The following TUSC3 variants were observed in gnomAD, a reference collection of about 807,000 sequenced individuals.
TUSC3 encodes the protein tumor suppressor candidate 3.
TUSC3 carries 45 observed loss-of-function variants against 44.8 expected under a neutral mutation model. The observed-to-expected ratio is 1.00, with a 90% CI of 0.79 to 1.29. The LOEUF is 1.29. Ranked by LOEUF, TUSC3 falls within the 50% of genes most tolerant of loss-of-function variation. The pLI, the probability that TUSC3 is intolerant of heterozygous loss-of-function variation, is 0.00. For synonymous variants in TUSC3, 212 were observed against 152.9 expected (o/e 1.39, Z -2.85); for missense variants, 519 against 437.9 (o/e 1.19, Z -1.65).
chr8:15,815,086 G>A, the TUSC3 span, among the ~76,000 whole-genome samples: 4 of 152,104 alleles, frequency 2.6e-5, no homozygotes, highest in Non-Finnish European at 5.9e-5. Context: ...TAAGTAATGA[G>A]ATATAAGTAA....
chr8:15,487,451 A>G (rs1227912659), intron 2 of TUSC3, among the ~76,000 whole-genome samples: 1 of 152,202 alleles, frequency 6.6e-6, no homozygotes, highest in East Asian at 1.9e-4. Context: ...ACAGTGGCCA[A>G]AGTCTATCTT....
the TUSC3 span, among the ~76,000 whole-genome samples, chr8:15,794,077 A>G: frequency 3.3e-5 from 5 of 152,186 alleles, no homozygotes; most frequent in Non-Finnish European, 7.3e-5. Flanking sequence ...CCTCTGATGG[A>G]TGAATGAACT....
intron 1 of TUSC3, among the ~76,000 whole-genome samples, chr8:15,553,688 G>C (rs552047689): frequency 6.6e-6 from 1 of 151,778 alleles, no homozygotes; most frequent in South Asian, 2.1e-4. Flanking sequence ...TTAATGAGTG[G>C]GTTGTGAGGA....
At chr8:15,675,867 T>C (rs1027954382) in intron 6 of TUSC3, among the ~76,000 whole-genome samples, 3 of 152,158 alleles carry the variant, frequency 2.0e-5, no homozygotes, top group African/African-American at 7.2e-5. Context: ...TCCATATCTT[T>C]GGTATTGAGA....
chr8:15,782,870 C>T, the TUSC3 span, among the ~76,000 whole-genome samples: 1 of 152,104 alleles, frequency 6.6e-6, no homozygotes, highest in Non-Finnish European at 1.5e-5. Flanking sequence ...CCTGGAAGTT[C>T]TAGCCAGAGT....
chr8:15,765,517 A>C lies in TUSC3; in HGVS notation c.*1361A>C, dbSNP rs986943463. The C allele has an allele frequency of 1.3e-5, 2 of 152,048 alleles. No homozygotes were observed. The highest frequency in any genetic ancestry group is 2.4e-5 in the African/African-American group (1 of 41,428). 9.4% of individuals were successfully genotyped at this position (152,048 alleles called of 1,614,324 possible). On this transcript the variant is annotated 3_prime_UTR_variant, in exon 11 of 11. Transcript: ENST00000503731. ...TACTTAAATCTGTGAATTTCAATGA[A>C]GAATGGGAATATAAAGGCCTACTGG...
rs1418360581 is a variant in TUSC3, at chr8:15,488,681, A to C, written n.189+5198A>C. 3.9e-5 allele frequency among the ~76,000 whole-genome samples: 6 copies of C among 152,298 alleles called. No homozygotes were observed. The East Asian group carries it at 9.7e-4, about 25-fold the overall frequency. ...CTATGATGAGATTAGTGTCTTTATA[A>C]GGAAAGAAAGATGTCATAGCTCATT... On this transcript the variant is annotated intron_variant and non_coding_transcript_variant, in intron 2 of 5. Coordinates refer to the TUSC3 transcript ENST00000503191.
intron 2 of TUSC3, among the ~76,000 whole-genome samples, chr8:15,637,737 C>T (rs1358790239): frequency 1.3e-5 from 2 of 151,942 alleles, no homozygotes; most frequent in African/African-American, 4.8e-5. Context: ...TTTGAGTGGC[C>T]TACTGATTTC....
chr8:15,840,647 G>C, the TUSC3 span, among the ~76,000 whole-genome samples: 1,567 of 152,014 alleles, frequency 0.01, 37 homozygotes, highest in African/African-American at 0.037. Flanking sequence ...TTTATAATCT[G>C]GTATGAAAAA....
rs185573855 is a variant in TUSC3, at chr8:15,604,693, T to A, written c.139-18387T>A. Reference sequence around the variant, plus strand: ...TTGCCTTTTGGTTTTCTATTTAGAATGTCAAAGTAAGCCTTTGAACAGTCA... The same window carrying A: ...TTGCCTTTTGGTTTTCTATTTAGAAAGTCAAAGTAAGCCTTTGAACAGTCA... On this transcript the variant is annotated intron_variant, in intron 1 of 10. Coordinates refer to ENST00000503731, the MANE Select transcript of TUSC3 (RefSeq NM_006765.4). Among the ~76,000 whole-genome samples, 815 of 151,972 alleles carry A rather than the reference T, an allele frequency of 5.4e-3. 8 individuals carry two copies. The highest frequency in any genetic ancestry group is 6.4e-3 in the Non-Finnish European group (434 of 67,846).
At chr8:15,845,583 G>C in the TUSC3 span, among the ~76,000 whole-genome samples, 1 of 152,092 alleles carries the variant, frequency 6.6e-6, no homozygotes, top group Non-Finnish European at 1.5e-5. Flanking sequence ...CATTATCTCA[G>C]GGCACAGAAA....
chr8:15,584,397 T>C (rs939107663), intron 1 of TUSC3, among the ~76,000 whole-genome samples: 1 of 152,222 alleles, frequency 6.6e-6, no homozygotes, highest in Non-Finnish European at 1.5e-5. Flanking sequence ...TTATCTGTTT[T>C]GATTAATTTG....
chr8:15,845,298 T>C, the TUSC3 span, among the ~76,000 whole-genome samples: 2 of 152,040 alleles, frequency 1.3e-5, no homozygotes, highest in Non-Finnish European at 2.9e-5. Flanking sequence ...TTCTGCAAAG[T>C]GAGGAGTTTT....
chr8:15,423,985 T>TTG (rs1799773934), intron 1 of TUSC3, among the ~76,000 whole-genome samples: 2 of 124,104 alleles, frequency 1.6e-5, no homozygotes, highest in African/African-American at 3.0e-5. Context: ...TTTTTTTTTT[T>TTG]TTTTTTTTTT....
At chr8:15,820,054 TTTG>T in the TUSC3 span, among the ~76,000 whole-genome samples, 1 of 152,180 alleles carries the variant, frequency 6.6e-6, no homozygotes, top group African/African-American at 2.4e-5. Context: ...TGCTGAGATT[TTTG>T]TTATGAATTG....
chr8:15,794,841 C>T, the TUSC3 span, among the ~76,000 whole-genome samples: 6 of 152,192 alleles, frequency 3.9e-5, no homozygotes, highest in African/African-American at 1.4e-4. Context: ...TCTAGAGAGA[C>T]GAACTATCTT....
At chr8:15,840,416 A>C in the TUSC3 span, among the ~76,000 whole-genome samples, 466 of 151,934 alleles carry the variant, frequency 3.1e-3, 2 homozygotes, top group East Asian at 0.016. Flanking sequence ...CACACACACA[A>C]AAACTCAGGA....
chr8:15,555,928 A>G (rs926380251), intron 1 of TUSC3, among the ~76,000 whole-genome samples: 1 of 151,604 alleles, frequency 6.6e-6, no homozygotes, highest in Non-Finnish European at 1.5e-5. Context: ...TCAATAATGT[A>G]TGCTTTCTGG....
intron 6 of TUSC3, among the ~76,000 whole-genome samples, chr8:15,722,493 TCA>T (rs772297961): frequency 3.3e-5 from 5 of 152,092 alleles, no homozygotes; most frequent in Non-Finnish European, 7.4e-5. Flanking sequence ...TCCAAAAGGC[TCA>T]GTTTCTCTCT....
Sources: allele counts gnomAD v4.1 joint callset (sites outside exome capture counted in the v4.1 genomes callset), GRCh38; gene constraint gnomAD v4.1.1; transcripts MANE v1.5; gene names NCBI Gene and HGNC (gene_info 2026-07-23, HGNC 2026-07-21).